Variants in EYS observed in about 807,000 individuals in gnomAD.
EYS encodes EGF-like photoreceptor maintenance factor.
A neutral mutation model predicts 282.1 loss-of-function variants in EYS; 250 were observed. That is an observed-to-expected ratio of 0.89 (90% confidence interval 0.80 to 0.98). The LOEUF is 0.98. Among genes scored for constraint, EYS ranks in the 50% least tolerant of loss-of-function variants. The probability of loss-of-function intolerance (pLI) is 0.00; values close to 1 mark genes in which losing one functional copy is unlikely to be tolerated. For missense variants in EYS, 4,016 were observed against 3,709.0 expected (o/e 1.08, Z -2.15); for synonymous variants, 1,355 against 1,282.9 (o/e 1.06, Z -1.20).
intron 8 of EYS, among the ~76,000 whole-genome samples, chr6:65,359,618 G>A (rs1764621971): frequency 6.6e-6 from 1 of 151,740 alleles, no homozygotes; most frequent in Non-Finnish European, 1.5e-5. Context: ...TATATTCCCT[G>A]GTGATTCTAT....
chr6:65,011,104 A>T (rs1176196666), intron 13 of EYS, among the ~76,000 whole-genome samples: 2 of 152,218 alleles, frequency 1.3e-5, no homozygotes, highest in African/African-American at 4.8e-5. Context: ...CCTCACAAGG[A>T]CATAGTTTTC....
chr6:63,949,394 G>A (rs367577108), intron 35 of EYS, among the ~76,000 whole-genome samples: 9 of 152,104 alleles, frequency 5.9e-5, no homozygotes, highest in African/African-American at 2.2e-4. Flanking sequence ...TGTACATGCA[G>A]TTCCTCTCTT....
At chr6:65,459,193 G>A (rs971634176) in intron 5 of EYS, among the ~76,000 whole-genome samples, 16 of 152,014 alleles carry the variant, frequency 1.1e-4, no homozygotes, top group Non-Finnish European at 1.9e-4. Flanking sequence ...CTGCTGGTTT[G>A]AAAGGCCAGC....
At chr6:64,711,960 G>GGGTA (rs1308119313) in intron 22 of EYS, among the ~76,000 whole-genome samples, 1 of 152,192 alleles carries the variant, frequency 6.6e-6, no homozygotes, top group Non-Finnish European at 1.5e-5. Context: ...AATTAGGAAA[G>GGGTA]GGTAGGTATA....
At chr6:64,602,320 G>A (rs1168689826) in intron 24 of EYS, among the ~76,000 whole-genome samples, 1 of 152,044 alleles carries the variant, frequency 6.6e-6, no homozygotes, top group Non-Finnish European at 1.5e-5. Flanking sequence ...CAAAATGTAA[G>A]TATTTTTACC....
At chr6:64,417,397 C>A (rs1431451588) in intron 28 of EYS, among the ~76,000 whole-genome samples, 1 of 152,032 alleles carries the variant, frequency 6.6e-6, no homozygotes, top group East Asian at 1.9e-4. Flanking sequence ...TTGCTTGTTT[C>A]CAGAAACTTG....
chr6:64,905,058 T>C (rs1767781431), intron 16 of EYS, among the ~76,000 whole-genome samples: 1 of 152,212 alleles, frequency 6.6e-6, no homozygotes, highest in Non-Finnish European at 1.5e-5. Context: ...TTTTGGTCAA[T>C]GACAGACCAC....
intron 15 of EYS, among the ~76,000 whole-genome samples, chr6:64,916,063 A>G (rs1160839329): frequency 6.6e-6 from 1 of 152,164 alleles, no homozygotes; most frequent in Admixed American, 6.5e-5. Flanking sequence ...TGTAAATATA[A>G]CTATTCAGTC....
At chr6:65,181,209 G>A (rs1765374215) in intron 12 of EYS, among the ~76,000 whole-genome samples, 1 of 152,080 alleles carries the variant, frequency 6.6e-6, no homozygotes, top group Non-Finnish European at 1.5e-5. Context: ...TGACAAATGG[G>A]ATCTAATTAA....
chr6:64,259,436 C>A (rs958298988), intron 30 of EYS, among the ~76,000 whole-genome samples: 4 of 152,096 alleles, frequency 2.6e-5, no homozygotes, highest in Admixed American at 1.3e-4. Flanking sequence ...GTTCTCCCAG[C>A]CTCTTGCCAG....
At chr6:65,231,863 G>T (rs536881796) in intron 12 of EYS, among the ~76,000 whole-genome samples, 1 of 151,880 alleles carries the variant, frequency 6.6e-6, no homozygotes, top group Non-Finnish European at 1.5e-5. Context: ...GTAGTGGTAT[G>T]AATAGTTCCC....
At chr6:64,242,559 T>C (rs2150344025) in intron 30 of EYS, among the ~76,000 whole-genome samples, 1 of 152,124 alleles carries the variant, frequency 6.6e-6, no homozygotes, top group Non-Finnish European at 1.5e-5. Flanking sequence ...CTTCTCACTG[T>C]GTTCATTTTT....
rs138473020 is a variant in EYS at position 64,442,577 on chromosome 6, A to AGGAAAAT, written c.5645-3232_5645-3226dup. On this transcript the variant is annotated intron_variant, in intron 26 of 42. Transcript: ENST00000503581. ...CTCATTACAGGCCTGGAGGCCTAGA[A>AGGAAAAT]GGAAAATGTGATTTTGTGGGCCAGG... 1.7e-3 allele frequency among the ~76,000 whole-genome samples: 256 copies of AGGAAAAT among 152,270 alleles called. 4 individuals carry two copies. In the East Asian group the frequency reaches 0.018, roughly 11 times the overall value.
At chr6:63,853,735 A>T (rs1772320323) in intron 36 of EYS, among the ~76,000 whole-genome samples, 1 of 152,198 alleles carries the variant, frequency 6.6e-6, no homozygotes, top group Non-Finnish European at 1.5e-5. Context: ...TTCAAACTAT[A>T]CTACAAGTTT....
Position 64,763,223 on chromosome 6 carries a change from T to C in EYS, c.3443+50155A>G, listed in dbSNP as rs1159069375. Among the ~76,000 whole-genome samples the C allele has an allele frequency of 1.3e-5, 2 of 152,206 alleles. 1 individual carries two copies. Among genetic ancestry groups the C allele is most frequent in the Admixed American group, 1.3e-4 (2 of 15,278 alleles). ...GTGTATCAGTCTGTTTTCACTGTGC[T>C]ATAAAAGAACTAACTGAGAGTGGGT... is the stretch of plus-strand genomic sequence containing the variant. On this transcript the variant is annotated intron_variant, in intron 22 of 42. Coordinates refer to ENST00000503581, the MANE Select transcript of EYS (RefSeq NM_001142800.2).
At chr6:65,391,654 C>T (rs1044998265) in intron 7 of EYS, among the ~76,000 whole-genome samples, 6 of 152,056 alleles carry the variant, frequency 3.9e-5, no homozygotes, top group Non-Finnish European at 8.8e-5. Flanking sequence ...CAAACCACCG[C>T]TCAAGGAAAT....
At chr6:64,286,235 A>G (rs1768496978) in intron 30 of EYS, among the ~76,000 whole-genome samples, 1 of 152,186 alleles carries the variant, frequency 6.6e-6, no homozygotes, top group African/African-American at 2.4e-5. Flanking sequence ...AGAAACTTAC[A>G]GGCTTTGACA....
At chr6:65,399,229 T>C (rs1766403633) in intron 7 of EYS, among the ~76,000 whole-genome samples, 1 of 152,074 alleles carries the variant, frequency 6.6e-6, no homozygotes, top group African/African-American at 2.4e-5. Flanking sequence ...TTTTTTCTTT[T>C]TAATTTGTTT....
intron 26 of EYS, among the ~76,000 whole-genome samples, chr6:64,563,552 C>A (rs1265606078): frequency 6.6e-6 from 1 of 152,028 alleles, no homozygotes; most frequent in African/African-American, 2.4e-5. Flanking sequence ...AAATCTGAAC[C>A]AGATCCTGAT....
Sources: allele counts gnomAD v4.1 joint callset (sites outside exome capture counted in the v4.1 genomes callset), GRCh38; gene constraint gnomAD v4.1.1; transcripts MANE v1.5; gene names NCBI Gene and HGNC (gene_info 2026-07-23, HGNC 2026-07-21).